The following AFF4 variants were observed in gnomAD, a reference collection of about 807,000 sequenced individuals.
AFF4 encodes ALF transcription elongation factor 4.
In AFF4, 13 loss-of-function variants were observed where a neutral mutation model predicts 124.8. The ratio of observed to expected loss-of-function variants is 0.10; its 90% CI spans 0.07 to 0.17. AFF4 has a LOEUF of 0.17. Among genes scored for constraint, AFF4 ranks in the 10% least tolerant of loss-of-function variants. The pLI is 1.00. For synonymous variants in AFF4, 477 were observed against 496.1 expected (o/e 0.96, Z 0.51); for missense variants, 1,092 against 1,403.8 (o/e 0.78, Z 3.55).
chr5:132,933,987 G>C (rs981795433), intron 3 of AFF4, among the ~76,000 whole-genome samples, 160 bp downstream of exon 3: 9 of 152,140 alleles, frequency 5.9e-5, no homozygotes, highest in Non-Finnish European at 1.2e-4. Context: ...ATCCACTTGG[G>C]AGTAACTCAC....
intron 4 of AFF4, among the ~76,000 whole-genome samples, chr5:132,930,474 G>GGGAGAAA (rs1761273035): frequency 6.6e-6 from 1 of 152,104 alleles, no homozygotes; most frequent in Admixed American, 6.6e-5. Flanking sequence ...TCTGGATGGA[G>GGGAGAAA]GGAGAAAGAT....
chr5:132,954,412 A>T (rs958125722), intron 1 of AFF4, among the ~76,000 whole-genome samples: 3 of 152,090 alleles, frequency 2.0e-5, no homozygotes, highest in Non-Finnish European at 4.4e-5. Flanking sequence ...TGGGAGGGGG[A>T]GCACACAGGG....
chr5:132,939,030 T>C (rs994482158), intron 1 of AFF4, among the ~76,000 whole-genome samples: 5 of 140,954 alleles, frequency 3.5e-5, no homozygotes, highest in Non-Finnish European at 4.6e-5. Flanking sequence ...TTGACCTGCC[T>C]AGCCAACATG....
chr5:132,927,903 A>T (rs188598785), intron 4 of AFF4, among the ~76,000 whole-genome samples: 18 of 152,336 alleles, frequency 1.2e-4, no homozygotes, highest in Admixed American at 1.2e-3. Context: ...CCTAATCTTA[A>T]TGCCAAATAT....
chr5:132,886,120 A>G (rs538122699), intron 18 of AFF4, among the ~76,000 whole-genome samples, 190 bp downstream of exon 18: 3 of 152,346 alleles, frequency 2.0e-5, no homozygotes, highest in South Asian at 4.1e-4. Flanking sequence ...GCACATGGCT[A>G]TAAGAGTTCT....
At chr5:132,899,349 T>C (rs139246656) in intron 8 of AFF4, among the ~76,000 whole-genome samples, 82 of 152,278 alleles carry the variant, frequency 5.4e-4, no homozygotes, top group African/African-American at 1.9e-3. Context: ...TTGTCAATAA[T>C]CTACTGCTTC....
At chr5:132,947,080 C>CT (rs761274912) in intron 1 of AFF4, among the ~76,000 whole-genome samples, 9 of 152,024 alleles carry the variant, frequency 5.9e-5, no homozygotes, top group Non-Finnish European at 1.2e-4. Context: ...ATATAAAACA[C>CT]TTTATGACTT....
At chr5:132,914,502 G>A (rs938416392) in intron 5 of AFF4, among the ~76,000 whole-genome samples, 3 of 151,878 alleles carry the variant, frequency 2.0e-5, no homozygotes, top group Non-Finnish European at 4.4e-5. Flanking sequence ...TCAGGAGGCT[G>A]AGGCAGGAGA....
At chr5:132,888,529 G>C (rs1050319065) in intron 14 of AFF4, among the ~76,000 whole-genome samples, 9 of 152,034 alleles carry the variant, frequency 5.9e-5, no homozygotes, top group African/African-American at 2.2e-4. Flanking sequence ...TTTTAACAGT[G>C]ATATCAGCAG....
intron 1 of AFF4, among the ~76,000 whole-genome samples, chr5:132,955,954 TATATA>T (rs58140757): frequency 0.13 from 19,000 of 147,690 alleles, 1,356 homozygotes; most frequent in South Asian, 0.19. Context: ...TAGTATAGTA[TATATA>T]ATATAATGCA....
intron 5 of AFF4, among the ~76,000 whole-genome samples, chr5:132,913,607 C>T (rs1247677062): frequency 1.3e-5 from 2 of 152,142 alleles, no homozygotes; most frequent in African/African-American, 4.8e-5. Context: ...CCGTGCCCGG[C>T]TGATTTTTAA....
intron 1 of AFF4, chr5:132,943,817 G>C (rs1761630760): frequency 4.0e-6 from 1 of 250,724 alleles, no homozygotes; most frequent in Admixed American, 4.0e-5. Flanking sequence ...ATCAGTGCTG[G>C]CTATGCTCCT....
chr5:132,939,784 T>C (rs533287469), intron 1 of AFF4, among the ~76,000 whole-genome samples: 1 of 152,318 alleles, frequency 6.6e-6, no homozygotes, highest in Non-Finnish European at 1.5e-5. Context: ...CTAATTTTTG[T>C]ATTTTTAGTA....
At position 132,902,461 on chromosome 5, in the gene AFF4, T is replaced by G. The variant is rs762630919; in HGVS notation, c.1114A>C (p.Asn372His). ...QKRYNPSKTS[N>H]GHQSKSMLKD... is the part of the protein sequence containing the mutation. ...ACTTACGATTTAGACTGGTGCCCATTTGAAGTTTTAGAAGGATTATATCTT... is the reference window on the plus strand; with the variant it reads ...ACTTACGATTTAGACTGGTGCCCATGTGAAGTTTTAGAAGGATTATATCTT... The change falls in exon 7 of 21, where the codon AAT (asparagine) becomes CAT (histidine). Residue 372 changes from asparagine (N) to histidine (H), a missense_variant. Coordinates refer to ENST00000265343, the MANE Select transcript of AFF4 (RefSeq NM_014423.4). 2 of 1,609,286 alleles carry G rather than the reference T, an allele frequency of 1.2e-6. No homozygotes were observed. Among genetic ancestry groups the G allele is most frequent in the Admixed American group, 1.7e-5 (1 of 59,986 alleles).
At chr5:132,959,311 G>T (rs1033299264) in intron 1 of AFF4, among the ~76,000 whole-genome samples, 1 of 151,928 alleles carries the variant, frequency 6.6e-6, no homozygotes, top group African/African-American at 2.4e-5. Flanking sequence ...TAGTAAAGAC[G>T]GGGTTTCACC....
chr5:132,899,258 A>G, intron 8 of AFF4, 117 bp from the exon 9 acceptor site: 2 of 942,562 alleles, frequency 2.1e-6, no homozygotes, highest in East Asian at 2.5e-5. Flanking sequence ...GTATGCAACA[A>G]TATTTAGCAC....
chr5:132,896,457 T>C lies in AFF4; in HGVS notation c.2173A>G (p.Arg725Gly). ...IVKIDLNLLT[R>G]IPGKPYKETE... ...TCTTTGTAAGGCTTTCCTGGTATTCTAGTCAAAAGATTCAGGTCAATCTTC... is the reference window on the plus strand; with the variant it reads ...TCTTTGTAAGGCTTTCCTGGTATTCCAGTCAAAAGATTCAGGTCAATCTTC... Residue 725 changes from arginine to glycine, a missense_variant, in exon 11 of 21, where the codon AGA becomes GGA. Physicochemically the swap from Arg to Gly is moderately radical, Grantham distance 125 (BLOSUM62 -2). Around this residue, in one of 11 missense-constraint regions of AFF4, gnomAD observed 293 missense variants for 280.2 expected, o/e 1.05. Coordinates refer to ENST00000265343, the MANE Select transcript of AFF4 (RefSeq NM_014423.4). 6.2e-7 allele frequency: 1 copy of C among 1,614,240 alleles called. No homozygotes were observed. Among genetic ancestry groups the C allele is most frequent in the South Asian group, 1.1e-5 (1 of 91,086 alleles).
intron 2 of AFF4, 45 bp from the exon 3 acceptor site, chr5:132,934,986 C>T (rs1242643913): frequency 7.1e-7 from 1 of 1,403,514 alleles, no homozygotes; most frequent in East Asian, 2.5e-5. Flanking sequence ...TGAGCATAAT[C>T]AGAAATAAAA....
intron 1 of AFF4, among the ~76,000 whole-genome samples, chr5:132,962,820 T>G (rs1446607978): frequency 7.3e-6 from 1 of 136,344 alleles, no homozygotes; most frequent in Non-Finnish European, 1.6e-5. Context: ...TTTTTTTTTT[T>G]GCGGGGGTGG....
Sources: gnomAD v4.1 joint callset for allele counts (sites outside exome capture counted in the v4.1 genomes callset) on GRCh38, gnomAD v4.1.1 for gene constraint, gnomAD v4.1.1 regional missense constraint, MANE v1.5 for transcripts, NCBI Gene and HGNC (gene_info 2026-07-23, HGNC 2026-07-21) for gene names.